Variants in ITSN1 observed in about 807,000 individuals in gnomAD.
ITSN1 encodes intersectin 1, also known as intersectin-1.
ITSN1 carries 58 observed loss-of-function variants against 239.8 expected under a neutral mutation model. The observed-to-expected ratio is 0.24, with a 90% CI of 0.20 to 0.30. The LOEUF (loss-of-function observed/expected upper bound fraction) is 0.30, where lower values mean the gene tolerates loss of function less well. ITSN1 is among the 10% of genes least tolerant of loss of function. ITSN1 has a pLI of 1.00. For synonymous variants in ITSN1, 780 were observed against 770.8 expected, an observed-to-expected ratio of 1.01 and a Z score of -0.20; for missense variants, 1,558 against 2,103.3, an observed-to-expected ratio of 0.74 and a Z score of 5.07.
Position 33,772,157 on chromosome 21 carries a change from A to G in ITSN1, c.1139A>G (p.Gln380Arg). Residue 380 changes from glutamine (Q) to arginine (R), a missense_variant, in exon 12 of 40, where the codon CAG becomes CGG. By Grantham distance (43) the Gln-to-Arg change is conservative. This residue lies in a region of ITSN1 where 982 missense variants were observed against 1,209.9 expected (regional missense o/e 0.81). Transcript: ENST00000381318. ...QALLEQQRKE[Q>R]ERLAQLERAE... is the part of the protein sequence containing the mutation. ...CTCCTGGAACAGCAGCGCAAGGAGCAGGAGCGCCTGGCCCAGCTGGAGCGG... is the reference window on the plus strand; with the variant it reads ...CTCCTGGAACAGCAGCGCAAGGAGCGGGAGCGCCTGGCCCAGCTGGAGCGG... The G allele has an allele frequency of 2.5e-6, 4 of 1,614,254 alleles. No individual in the cohort carries two copies. The highest frequency in any genetic ancestry group is 3.4e-6 in the Non-Finnish European group (4 of 1,180,034).
rs887570331 is a variant in ITSN1 at position 33,892,030 on chromosome 21, A to G, written c.*3730A>G. On this transcript the variant is annotated 3_prime_UTR_variant, in exon 40 of 40. Coordinates refer to ENST00000381318, the MANE Select transcript of ITSN1 (RefSeq NM_003024.3). The stretch of plus-strand genomic sequence containing the variant: ...CAGACACTAGCACTTTTACATGAAT[A>G]CCTGGTGTGCTTTGGATGTAACAGG... 1 of 152,180 alleles carries G rather than the reference A, an allele frequency of 6.6e-6. No homozygotes were observed. Among genetic ancestry groups the G allele is most frequent in the Admixed American group, 6.5e-5 (1 of 15,270 alleles). The allele number at this position is 152,180 out of a possible 1,614,324, so 9.4% of individuals were successfully genotyped here.
chr21:33,763,880 G>A (rs1448602418), intron 9 of ITSN1, among the ~76,000 whole-genome samples: 2 of 152,184 alleles, frequency 1.3e-5, no homozygotes, highest in African/African-American at 2.4e-5. Context: ...TGCAAAGTTC[G>A]TGATTTTCTT....
rs758807550 is a variant in ITSN1 at position 33,718,793 on chromosome 21, A to G, written c.-32-4A>G. 2 of 1,600,322 alleles carry G rather than the reference A, an allele frequency of 1.2e-6. No individual in the cohort carries two copies. Among genetic ancestry groups the G allele is most frequent in the Non-Finnish European group, 1.7e-6 (2 of 1,168,768 alleles). ...AAACTTAAATGTTGCATTTTCACTT[A>G]CAGGCGTCGATTAGCAAGGTAAAAG... On this transcript the variant is annotated splice_polypyrimidine_tract_variant and splice_region_variant and intron_variant, in intron 1 of 39. Transcript: ENST00000381318.
At chr21:33,669,074 C>G (rs1009268212) in intron 1 of ITSN1, among the ~76,000 whole-genome samples, 1 of 152,180 alleles carries the variant, frequency 6.6e-6, no homozygotes, top group East Asian at 1.9e-4. Flanking sequence ...GTTCCAGAAA[C>G]AGACAGAGAA....
At chr21:33,759,269 A>G (rs1368919566) in intron 8 of ITSN1, among the ~76,000 whole-genome samples, 2 of 152,208 alleles carry the variant, frequency 1.3e-5, no homozygotes, top group African/African-American at 4.8e-5. Context: ...GCTATAATTT[A>G]CCAATCCCTG....
At chr21:33,719,699 T>C (rs1165148156) in intron 2 of ITSN1, among the ~76,000 whole-genome samples, 1 of 152,168 alleles carries the variant, frequency 6.6e-6, no homozygotes, top group Non-Finnish European at 1.5e-5. Context: ...GATGGGGTCA[T>C]TTACACTTTT....
intron 9 of ITSN1, among the ~76,000 whole-genome samples, chr21:33,762,813 A>T (rs1454570803): frequency 6.7e-6 from 1 of 149,780 alleles, no homozygotes. Flanking sequence ...GCAGGCATGA[A>T]CCCCCACGCT....
chr21:33,885,569 G>A (rs756834263), intron 38 of ITSN1, 47 bp downstream of exon 38: 8 of 1,476,138 alleles, frequency 5.4e-6, no homozygotes, highest in Middle Eastern at 1.8e-4. Context: ...GTTGGGAGTA[G>A]GGTCCGGGTT....
chr21:33,816,170 G>A (rs1338905008), intron 22 of ITSN1, among the ~76,000 whole-genome samples: 3 of 151,722 alleles, frequency 2.0e-5, no homozygotes, highest in Non-Finnish European at 4.4e-5. Context: ...TTCAGCCTGG[G>A]CGACAGAGCA....
In ITSN1 at chr21:33,760,298, C is replaced by G. The variant is rs112931433; in HGVS notation, c.725-1625C>G. 7.2e-3 allele frequency among the ~76,000 whole-genome samples: 1,090 copies of G among 152,184 alleles called. 14 individuals carry two copies. The highest frequency in any genetic ancestry group is 0.025 in the African/African-American group (1,037 of 41,512). ...AGAAGTTAGGCTACCTTGGTGGTAG[C>G]TGAGTCTAAAAGAGAGGCAAATAGG... On this transcript the variant is annotated intron_variant, in intron 8 of 39. Coordinates refer to ENST00000381318, the MANE Select transcript of ITSN1 (RefSeq NM_003024.3).
intron 1 of ITSN1, among the ~76,000 whole-genome samples, chr21:33,689,044 C>A (rs2091384399): frequency 6.6e-6 from 1 of 152,024 alleles, no homozygotes; most frequent in Non-Finnish European, 1.5e-5. Context: ...AACACCTGAC[C>A]TCAGGTGATC....
At chr21:33,815,600 AGAGT>A (rs1421437058) in intron 22 of ITSN1, among the ~76,000 whole-genome samples, 5 of 152,232 alleles carry the variant, frequency 3.3e-5, no homozygotes, top group African/African-American at 1.2e-4. Context: ...GAGAAGGACC[AGAGT>A]GAGGGGCCTC....
chr21:33,878,037 TG>T, intron 34 of ITSN1, among the ~76,000 whole-genome samples: 1 of 150,804 alleles, frequency 6.6e-6, no homozygotes, highest in African/African-American at 2.4e-5. Flanking sequence ...TGTGTGTGTG[TG>T]TGTGTGTGTT....
At chr21:33,726,450 C>T (rs74863440) in intron 4 of ITSN1, among the ~76,000 whole-genome samples, 3,680 of 152,216 alleles carry the variant, frequency 0.024, 159 homozygotes, top group African/African-American at 0.083. Context: ...GGGTTTGACT[C>T]TGAAGTTTTA....
chr21:33,692,041 A>G (rs1401246944), intron 1 of ITSN1, among the ~76,000 whole-genome samples: 5 of 152,196 alleles, frequency 3.3e-5, no homozygotes, highest in African/African-American at 9.6e-5. Flanking sequence ...AGGTGATCAG[A>G]TATCTCAGAT....
In ITSN1 at chr21:33,882,488, G is replaced by A. The variant is rs762387078; in HGVS notation, c.4554+33G>A. The A allele has an allele frequency of 6.3e-7, 1 of 1,585,302 alleles. No individual in the cohort carries two copies. The highest frequency in any genetic ancestry group is 1.1e-5 in the South Asian group (1 of 89,562). On this transcript the variant is annotated intron_variant, in intron 35 of 39. Transcript: ENST00000381318. The surrounding 1 kb of genome is among the most constrained non-coding windows in gnomAD (Gnocchi z 4.5). ...GGATTCTAGATTTTGCATTATCAGG[G>A]TTGACGTGTTTGGGGAGGAAGAAGT...
chr21:33,736,061 T>A (rs1259200448), intron 5 of ITSN1, among the ~76,000 whole-genome samples: 1 of 152,248 alleles, frequency 6.6e-6, no homozygotes, highest in African/African-American at 2.4e-5. Context: ...GCTAATTGAT[T>A]AATTAGTTGA....
chr21:33,694,445 T>A (rs1242104704), intron 1 of ITSN1, among the ~76,000 whole-genome samples: 1 of 152,232 alleles, frequency 6.6e-6, no homozygotes, highest in Admixed American at 6.5e-5. Context: ...ATCTTTGTAT[T>A]TTGGATTATT....
At chr21:33,845,024 A>C (rs1317817801) in intron 29 of ITSN1, among the ~76,000 whole-genome samples, 2 of 151,996 alleles carry the variant, frequency 1.3e-5, no homozygotes, top group African/African-American at 4.8e-5. Flanking sequence ...CCCGCTGCCC[A>C]CTGAGAGTCA....
Sources: gnomAD v4.1 joint callset for allele counts (sites outside exome capture counted in the v4.1 genomes callset) on GRCh38, gnomAD v4.1.1 for gene constraint, gnomAD v4.1.1 regional missense constraint, Gnocchi (gnomAD v3.1) non-coding constraint, MANE v1.5 for transcripts, NCBI Gene and HGNC (gene_info 2026-07-23, HGNC 2026-07-21) for gene names.